The following ADGB variants were observed in gnomAD, a reference collection of about 807,000 sequenced individuals.
ADGB encodes the protein androglobin.
A neutral mutation model predicts 210.5 loss-of-function variants in ADGB; 172 were observed. The observed-to-expected ratio is 0.82, with a 90% CI of 0.72 to 0.93. The LOEUF (loss-of-function observed/expected upper bound fraction) is 0.93. Among genes scored for constraint, ADGB ranks in the 40% least tolerant of loss-of-function variants. The probability of loss-of-function intolerance (pLI) is 0.00; values close to 1 mark genes in which losing one functional copy is unlikely to be tolerated. For missense variants in ADGB, 2,025 were observed against 1,964.8 expected (o/e 1.03, Z -0.58); for synonymous variants, 658 against 662.7 (o/e 0.99, Z 0.11).
At chr6:146,811,123 AG>A (rs1316851150) in intron 35 of ADGB, among the ~76,000 whole-genome samples, 1 of 152,176 alleles carries the variant, frequency 6.6e-6, no homozygotes, top group Non-Finnish European at 1.5e-5. Flanking sequence ...GCCTACTCTT[AG>A]CTTCACAACC....
chr6:146,657,023 T>A, intron 5 of ADGB, 43 bp downstream of exon 5: 1 of 1,466,370 alleles, frequency 6.8e-7, no homozygotes, highest in South Asian at 1.2e-5. Context: ...GAGTCTTTCA[T>A]ATTGAAATAT....
At chr6:146,801,750 A>C in intron 34 of ADGB, 78 bp from the exon 35 acceptor site, 6 of 1,261,108 alleles carry the variant, frequency 4.8e-6, no homozygotes, top group Non-Finnish European at 6.5e-6. Flanking sequence ...ATGATTTAAA[A>C]TTATTTGATG....
intron 13 of ADGB, among the ~76,000 whole-genome samples, chr6:146,705,319 G>A (rs1776553548): frequency 6.6e-6 from 1 of 152,088 alleles, no homozygotes; most frequent in African/African-American, 2.4e-5. Context: ...TAGGTGATAT[G>A]TTGAATAGAA....
chr6:146,608,036 T>C (rs940253020), intron 1 of ADGB, among the ~76,000 whole-genome samples: 4 of 152,178 alleles, frequency 2.6e-5, no homozygotes, highest in Non-Finnish European at 4.4e-5. Flanking sequence ...CAGAGTTTTT[T>C]CTGGTTGGTA....
Position 146,740,599 on chromosome 6 carries a change from G to A in ADGB, c.3023+6G>A. 1.9e-6 allele frequency: 3 copies of A among 1,549,444 alleles called. No individual in the cohort carries two copies. Among genetic ancestry groups the A allele is most frequent in the East Asian group, 2.5e-5 (1 of 40,754 alleles). On this transcript the variant is annotated splice_donor_region_variant and intron_variant, in intron 24 of 35. Transcript: ENST00000397944. Reference sequence around the variant, plus strand: ...TCTTGGTTTATAGTATTCAGGTGAGGTTGTTATATAGTGACAAATATGTCT... The same window carrying A: ...TCTTGGTTTATAGTATTCAGGTGAGATTGTTATATAGTGACAAATATGTCT...
chr6:146,744,246 G>T (rs144750828), intron 25 of ADGB, among the ~76,000 whole-genome samples: 1 of 152,082 alleles, frequency 6.6e-6, no homozygotes, highest in Admixed American at 6.6e-5. Context: ...ATCTTTGGCC[G>T]ACTAGATAAT....
At chr6:146,651,425 T>C (rs1366547110) in intron 3 of ADGB, among the ~76,000 whole-genome samples, 1 of 152,200 alleles carries the variant, frequency 6.6e-6, no homozygotes. Context: ...GGAAAGTAAC[T>C]TTATTCAAAT....
At position 146,672,290 on chromosome 6, in the gene ADGB, GC is replaced by G; in HGVS notation, c.912del (p.Ser305AlafsTer6). On this transcript the variant is annotated frameshift_variant, in exon 8 of 36. Coordinates refer to ENST00000397944, the MANE Select transcript of ADGB (RefSeq NM_024694.4). LOFTEE classifies it high-confidence loss of function. ...GCCTGAGTTTAAGCTGTCAGATGAGGCCAGCTCTGAAAGCAAAATAGCAGTG... is the reference window on the plus strand; with the variant it reads ...GCCTGAGTTTAAGCTGTCAGATGAGGCAGCTCTGAAAGCAAAATAGCAGTG... ...ILPEFKLSDE[A>X]SSESKIAVLD... is the part of the protein sequence containing the mutation. 1 of 1,551,216 alleles carries G rather than the reference GC, an allele frequency of 6.4e-7. No homozygotes were observed. Among genetic ancestry groups the G allele is most frequent in the East Asian group, 2.4e-5 (1 of 40,892 alleles).
chr6:146,739,961 T>C (rs1050511647), intron 23 of ADGB, among the ~76,000 whole-genome samples: 8 of 152,212 alleles, frequency 5.3e-5, no homozygotes, highest in African/African-American at 1.9e-4. Flanking sequence ...TCAGAAATCA[T>C]GCAGGAGGAA....
intron 11 of ADGB, 73 bp downstream of exon 11, chr6:146,691,363 A>AT: frequency 8.1e-7 from 1 of 1,233,882 alleles, no homozygotes. Flanking sequence ...GCGGTGAAAG[A>AT]TGTATGTCAA....
At chr6:146,620,465 T>A (rs916823416) in intron 1 of ADGB, among the ~76,000 whole-genome samples, 1 of 152,134 alleles carries the variant, frequency 6.6e-6, no homozygotes, top group African/African-American at 2.4e-5. Flanking sequence ...TTTTCTTCAC[T>A]CACTTTTATT....
Position 146,741,010 on chromosome 6 carries a change from GT to G in ADGB, c.3024-106del, listed in dbSNP as rs1777156893. The stretch of plus-strand genomic sequence containing the variant: ...AAGAAAATAATATGTGTGCCTTTTA[GT>G]TATTTGGAACTTTGGATTTTTAAAA... On this transcript the variant is annotated intron_variant, in intron 24 of 35. Coordinates refer to ENST00000397944, the MANE Select transcript of ADGB (RefSeq NM_024694.4). 3.7e-6 allele frequency: 3 copies of G among 815,150 alleles called. No homozygotes were observed. In the Admixed American group the frequency reaches 1.1e-4, roughly 31 times the overall value. The allele number at this position is 815,150 out of a possible 1,614,324, so 50.5% of individuals were successfully genotyped here.
intron 22 of ADGB, among the ~76,000 whole-genome samples, chr6:146,736,176 A>C (rs1777075708): frequency 6.6e-6 from 1 of 152,224 alleles, no homozygotes; most frequent in African/African-American, 2.4e-5. Context: ...TTCTGAGATA[A>C]GATCTGTCAC....
chr6:146,678,323 T>C (rs1776110829), intron 9 of ADGB, among the ~76,000 whole-genome samples: 1 of 152,180 alleles, frequency 6.6e-6, no homozygotes, highest in African/African-American at 2.4e-5. Context: ...ACCTCCCAGG[T>C]TCAAGCGATT....
intron 5 of ADGB, among the ~76,000 whole-genome samples, chr6:146,657,581 G>T (rs1387855924): frequency 6.6e-6 from 1 of 152,176 alleles, no homozygotes; most frequent in African/African-American, 2.4e-5. Context: ...CATTGTAGAT[G>T]CTGGTCCTGC....
intron 3 of ADGB, among the ~76,000 whole-genome samples, chr6:146,652,231 T>C (rs1447627263): frequency 6.6e-6 from 1 of 152,242 alleles, no homozygotes; most frequent in Non-Finnish European, 1.5e-5. Context: ...TCAAGACTAA[T>C]ACTTCAAACT....
At chr6:146,704,635 G>T (rs1003461700) in intron 13 of ADGB, among the ~76,000 whole-genome samples, 3 of 151,898 alleles carry the variant, frequency 2.0e-5, no homozygotes, top group African/African-American at 7.2e-5. Flanking sequence ...TCTCTACTCT[G>T]TTCCATTGGT....
intron 1 of ADGB, among the ~76,000 whole-genome samples, chr6:146,618,835 T>A (rs1780842449): frequency 1.3e-5 from 2 of 152,148 alleles, no homozygotes; most frequent in African/African-American, 4.8e-5. Context: ...AGCAGAGGGA[T>A]GAAATGTTAT....
Position 146,672,292 on chromosome 6 carries a change from C to G in ADGB, c.912C>G (p.Ala304=), listed in dbSNP as rs1776020643. The G allele has an allele frequency of 6.4e-7, 1 of 1,550,894 alleles. No individual in the cohort carries two copies. Among genetic ancestry groups the G allele is most frequent in the African/African-American group, 1.4e-5 (1 of 72,940 alleles). Residue 304 remains alanine (A), a synonymous_variant, in exon 8 of 36, where the codon GCC becomes GCG. Coordinates refer to ENST00000397944, the MANE Select transcript of ADGB (RefSeq NM_024694.4). ...ILPEFKLSDE[A]SSESKIAVLD... ...CTGAGTTTAAGCTGTCAGATGAGGC[C>G]AGCTCTGAAAGCAAAATAGCAGTGT... is the stretch of plus-strand genomic sequence containing the variant.
Sources: allele counts gnomAD v4.1 joint callset (sites outside exome capture counted in the v4.1 genomes callset), GRCh38; gene constraint gnomAD v4.1.1; transcripts MANE v1.5; gene names NCBI Gene and HGNC (gene_info 2026-07-23, HGNC 2026-07-21).